TMEM131: variants seen among roughly 807,000 people sequenced by gnomAD.
TMEM131 encodes 2610524E03Rik.
Under a neutral mutation model 211.6 loss-of-function variants are expected in TMEM131, and 66 were observed. The observed-to-expected ratio is 0.31, with a 90% CI of 0.26 to 0.38. The LOEUF is 0.38. TMEM131 is among the 10% of genes least tolerant of loss of function. TMEM131 has a pLI of 1.00. For synonymous variants in TMEM131, 844 were observed against 841.3 expected, an observed-to-expected ratio of 1.00 and a Z score of -0.06; for missense variants, 2,036 against 2,299.3, an observed-to-expected ratio of 0.89 and a Z score of 2.34.
At chr2:97,920,970 A>T (rs1032977255) in intron 2 of TMEM131, among the ~76,000 whole-genome samples, 63 of 146,722 alleles carry the variant, frequency 4.3e-4, no homozygotes, top group African/African-American at 1.1e-3. Flanking sequence ...AAAAATCCCG[A>T]GTGTGTGTGT....
At chr2:97,791,593 T>C (rs545785069) in intron 31 of TMEM131, among the ~76,000 whole-genome samples, 4 of 152,182 alleles carry the variant, frequency 2.6e-5, no homozygotes, top group African/African-American at 4.8e-5. Flanking sequence ...CCACCTTCAG[T>C]TGAACCTTAA....
intron 4 of TMEM131, among the ~76,000 whole-genome samples, chr2:97,876,171 C>G (rs1361736669): frequency 6.6e-6 from 1 of 152,116 alleles, no homozygotes; most frequent in Non-Finnish European, 1.5e-5. Context: ...AAGTCGAATC[C>G]CTGAATAGAC....
chr2:97,790,271 T>C (rs1005640709), intron 31 of TMEM131, among the ~76,000 whole-genome samples: 3 of 151,362 alleles, frequency 2.0e-5, no homozygotes, highest in African/African-American at 7.3e-5. Context: ...TTTTAAAGAC[T>C]GTCTGTCTAT....
chr2:97,839,319 C>CCAAT (rs1683084639), intron 7 of TMEM131, among the ~76,000 whole-genome samples: 1 of 47,316 alleles, frequency 2.1e-5, no homozygotes, highest in Non-Finnish European at 4.2e-5. Context: ...GGAAAACCAA[C>CCAAT]CAACCAACCA....
chr2:97,937,159 AC>A (rs2104475147), intron 1 of TMEM131, among the ~76,000 whole-genome samples: 1 of 152,266 alleles, frequency 6.6e-6, no homozygotes, highest in African/African-American at 2.4e-5. Context: ...AAAAAAGGAA[AC>A]CACGTGCAAA....
Position 97,800,595 on chromosome 2 carries a change from C to CAAAAAA in TMEM131, c.2718+1294_2718+1299dup, listed in dbSNP as rs3064071. 8.9e-5 allele frequency among the ~76,000 whole-genome samples: 11 copies of CAAAAAA among 123,262 alleles called. 3 individuals carry two copies. The highest frequency in any genetic ancestry group is 6.8e-5 in the African/African-American group (2 of 29,472). 80.9% of individuals were successfully genotyped at this position (123,262 alleles called of 152,430 possible). On this transcript the variant is annotated intron_variant, in intron 25 of 40. Coordinates refer to ENST00000186436, the MANE Select transcript of TMEM131 (RefSeq NM_015348.2). ...TGAAACCCCGGCTCTACTAAAAATA[C>CAAAAAA]AAAAAAAAAAAAATTAGCCAGGTGT...
chr2:97,916,393 C>T (rs1205765605), intron 2 of TMEM131, among the ~76,000 whole-genome samples: 1 of 152,212 alleles, frequency 6.6e-6, no homozygotes, highest in Non-Finnish European at 1.5e-5. Flanking sequence ...CAAACACCAG[C>T]TCTGCCCTCA....
chr2:97,989,503 A>G (rs1272296326), intron 1 of TMEM131, among the ~76,000 whole-genome samples: 1 of 147,844 alleles, frequency 6.8e-6, no homozygotes, highest in Non-Finnish European at 1.5e-5. Flanking sequence ...TAATGGGTAT[A>G]GACTTCCAGC....
chr2:97,855,437 C>T (rs893953348), intron 5 of TMEM131, among the ~76,000 whole-genome samples: 6 of 152,166 alleles, frequency 3.9e-5, no homozygotes, highest in African/African-American at 1.4e-4. Flanking sequence ...CGGTGGCTCA[C>T]GCCTGTCATC....
chr2:97,772,989 T>A (rs1373820800), intron 32 of TMEM131, among the ~76,000 whole-genome samples: 1 of 152,240 alleles, frequency 6.6e-6, no homozygotes, highest in Admixed American at 6.5e-5. Context: ...TGACTGGAGA[T>A]GGTGGTGGCA....
At chr2:97,951,130 A>T (rs1678290077) in intron 1 of TMEM131, among the ~76,000 whole-genome samples, 2 of 152,144 alleles carry the variant, frequency 1.3e-5, no homozygotes, top group Admixed American at 1.3e-4. Context: ...AACCAGACAT[A>T]TTGTAACAGG....
At chr2:97,990,307 T>C (rs953320) in intron 1 of TMEM131, among the ~76,000 whole-genome samples, 41,158 of 151,750 alleles carry the variant, frequency 0.27, 7,822 homozygotes, top group Non-Finnish European at 0.39. Flanking sequence ...TGAAAGCTTG[T>C]GGCTGATTGA....
In TMEM131 at chr2:97,812,731, T is replaced by C. The variant is rs1559375196; in HGVS notation, c.1636A>G (p.Lys546Glu). Reference protein sequence around the residue: ...GFLDYFVLPPKIEERFIDFGV... With the variant: ...GFLDYFVLPPEIEERFIDFGV... ...AAATCTATGAAACGTTCCTCTATTT[T>C]GGGGGGCAATACAAAGTACTGGAAA... The change falls in exon 16 of 41, where the codon AAA becomes GAA. Residue 546 changes from lysine to glutamate, a missense_variant. This residue lies in a region of TMEM131 where 1,623 missense variants were observed against 1,805.9 expected (regional missense o/e 0.90). Transcript: ENST00000186436. 1 of 1,583,650 alleles carries C rather than the reference T, an allele frequency of 6.3e-7. No homozygotes were observed. The highest frequency in any genetic ancestry group is 2.2e-5 in the East Asian group (1 of 44,642).
At chr2:97,760,754 G>T in intron 37 of TMEM131, 39 bp downstream of exon 37, 1 of 1,613,780 alleles carries the variant, frequency 6.2e-7, no homozygotes. Context: ...ACCAGGCCTG[G>T]CGCCTGGCGT....
At chr2:97,961,605 A>G (rs1357119891) in intron 1 of TMEM131, among the ~76,000 whole-genome samples, 1 of 152,254 alleles carries the variant, frequency 6.6e-6, no homozygotes, top group Non-Finnish European at 1.5e-5. Context: ...AAGCAGTTGC[A>G]GTATTCATAC....
intron 12 of TMEM131, among the ~76,000 whole-genome samples, chr2:97,818,301 T>G (rs1266120925): frequency 6.6e-6 from 1 of 152,192 alleles, no homozygotes; most frequent in Non-Finnish European, 1.5e-5. Context: ...AGATGAATTA[T>G]AATACATAAT....
chr2:97,991,328 C>A (rs558925041), intron 1 of TMEM131, among the ~76,000 whole-genome samples: 2 of 152,240 alleles, frequency 1.3e-5, no homozygotes, highest in South Asian at 2.1e-4. Flanking sequence ...AGGGAGCATG[C>A]AGGACTGAAC....
At chr2:97,939,469 A>C (rs1677614549) in intron 1 of TMEM131, among the ~76,000 whole-genome samples, 1 of 152,194 alleles carries the variant, frequency 6.6e-6, no homozygotes, top group African/African-American at 2.4e-5. Flanking sequence ...CCCAAGACTA[A>C]ACCAGAAAGA....
At chr2:97,769,738 G>A (rs1472922994) in intron 33 of TMEM131, among the ~76,000 whole-genome samples, 3 of 152,088 alleles carry the variant, frequency 2.0e-5, no homozygotes, top group Non-Finnish European at 4.4e-5. Flanking sequence ...GGATGCCCTG[G>A]GCCCTTCCTG....
Sources: allele counts gnomAD v4.1 joint callset (sites outside exome capture counted in the v4.1 genomes callset), GRCh38; gene constraint gnomAD v4.1.1; regional missense constraint gnomAD v4.1.1; transcripts MANE v1.5; gene names NCBI Gene and HGNC (gene_info 2026-07-23, HGNC 2026-07-21).